Variants in PRRC2B observed in about 807,000 individuals in gnomAD.
PRRC2B encodes the protein protein PRRC2B.
PRRC2B carries 68 observed loss-of-function variants against 242.3 expected under a neutral mutation model. That is an observed-to-expected ratio of 0.28 (90% CI 0.23 to 0.34). The LOEUF is 0.34. Among genes scored for constraint, PRRC2B ranks in the 10% least tolerant of loss-of-function variants. The pLI, the probability that PRRC2B is intolerant of heterozygous loss-of-function variation, is 1.00. For missense variants in PRRC2B, 2,835 were observed against 2,954.8 expected (o/e 0.96, Z 0.94); for synonymous variants, 1,228 against 1,173.6 (o/e 1.05, Z -0.95).
intron 1 of PRRC2B, among the ~76,000 whole-genome samples, chr9:131,388,798 T>G (rs528353639): frequency 6.7e-6 from 1 of 149,460 alleles, no homozygotes; most frequent in South Asian, 2.1e-4. Context: ...CTCCTTGGAC[T>G]TCCAAAGTGC....
chr9:131,404,696 C>T (rs188112851), intron 1 of PRRC2B, among the ~76,000 whole-genome samples: 1 of 152,192 alleles, frequency 6.6e-6, no homozygotes. Flanking sequence ...TGCCCTTTCA[C>T]GTGATAAAAT....
chr9:131,412,342 A>T (rs200826152), intron 1 of PRRC2B, among the ~76,000 whole-genome samples: 1 of 151,922 alleles, frequency 6.6e-6, no homozygotes, highest in East Asian at 1.9e-4. Context: ...TTTCATCTGT[A>T]TAGTTGTGTA....
intron 1 of PRRC2B, among the ~76,000 whole-genome samples, chr9:131,380,880 T>C (rs1396078705): frequency 4.1e-5 from 1 of 24,274 alleles, no homozygotes; most frequent in Non-Finnish European, 1.2e-4. Flanking sequence ...TGTGAGATTC[T>C]GTCTCCAAAA....
intron 1 of PRRC2B, among the ~76,000 whole-genome samples, chr9:131,414,694 C>G (rs1174030180): frequency 6.6e-6 from 1 of 151,774 alleles, no homozygotes; most frequent in Non-Finnish European, 1.5e-5. Context: ...CTCAGCCTCC[C>G]AAGTAGCTGG....
chr9:131,444,065 G>C (rs1838703034), intron 5 of PRRC2B, 120 bp from the exon 6 acceptor site: 1 of 1,153,168 alleles, frequency 8.7e-7, no homozygotes, highest in Admixed American at 2.2e-5. Flanking sequence ...GCACCCTTGT[G>C]ACAAGACTCC....
Position 131,436,602 on chromosome 9 carries a change from T to C in PRRC2B, c.294-18T>C, listed in dbSNP as rs1838381607. 6.2e-7 allele frequency: 1 copy of C among 1,607,756 alleles called. No individual in the cohort carries two copies. On this transcript the variant is annotated intron_variant, in intron 3 of 31. Coordinates refer to ENST00000683519, the MANE Select transcript of PRRC2B (RefSeq NM_013318.4). ...CACTCTGTGCGGTGCCTGACCCCAC[T>C]GCCCTGCCTTTGTCTAGTTCCAGTG...
At chr9:131,418,481 C>T (rs1479216901) in intron 1 of PRRC2B, among the ~76,000 whole-genome samples, 1 of 152,172 alleles carries the variant, frequency 6.6e-6, no homozygotes. Flanking sequence ...CTGTGAGTCT[C>T]TGTGAGGACA....
intron 31 of PRRC2B, 123 bp from the exon 32 acceptor site, chr9:131,495,617 G>C: frequency 8.9e-7 from 1 of 1,126,600 alleles, no homozygotes; most frequent in Non-Finnish European, 1.3e-6. Context: ...TTCAACCAAG[G>C]GACTGACAAC....
intron 2 of PRRC2B, among the ~76,000 whole-genome samples, chr9:131,430,750 G>A (rs957863087): frequency 6.6e-6 from 1 of 151,602 alleles, no homozygotes; most frequent in Non-Finnish European, 1.5e-5. Context: ...GTGCCACCAC[G>A]CCCAGCTAAT....
intron 1 of PRRC2B, among the ~76,000 whole-genome samples, chr9:131,394,644 C>T (rs543067788): frequency 6.6e-6 from 1 of 151,384 alleles, no homozygotes; most frequent in South Asian, 2.1e-4. Flanking sequence ...GGCCCGCAGC[C>T]GGGTCTCGGG....
intron 22 of PRRC2B, 70 bp from the exon 23 acceptor site, chr9:131,483,289 A>G (rs1588279020): frequency 2.8e-6 from 4 of 1,405,092 alleles, no homozygotes; most frequent in Admixed American, 1.7e-5. Context: ...CATCACGTTA[A>G]TGTATGCCTC....
intron 5 of PRRC2B, among the ~76,000 whole-genome samples, chr9:131,439,582 A>C (rs1838488599): frequency 6.6e-6 from 1 of 152,060 alleles, no homozygotes; most frequent in South Asian, 2.1e-4. Context: ...GTATTAGAAA[A>C]CCAGCTGCAC....
chr9:131,384,572 C>T (rs1836804368), intron 1 of PRRC2B, among the ~76,000 whole-genome samples: 1 of 152,124 alleles, frequency 6.6e-6, no homozygotes, highest in Non-Finnish European at 1.5e-5. Context: ...GTGTGAGCCA[C>T]TGCGCCCGGC....
Position 131,483,280 on chromosome 9 carries a change from A to G in PRRC2B, c.5374-79A>G, listed in dbSNP as rs554438281. On this transcript the variant is annotated intron_variant, in intron 22 of 31. Transcript: ENST00000683519. The stretch of plus-strand genomic sequence containing the variant: ...GGAGTTTTTGAGTCGGGGAAACTGC[A>G]TCACGTTAATGTATGCCTCTGGGGA... 5.6e-4 allele frequency: 749 copies of G among 1,347,442 alleles called. 9 individuals are homozygous for G. The highest frequency in any genetic ancestry group is 3.2e-3 in the South Asian group (266 of 84,202). The allele number at this position is 1,347,442 out of a possible 1,614,324, so 83.5% of individuals were successfully genotyped here. A position where few individuals can be genotyped will look rare whatever the true frequency, so the allele number is the denominator to read the frequency against.
At chr9:131,454,819 A>G (rs1588261303) in intron 9 of PRRC2B, among the ~76,000 whole-genome samples, 1 of 152,114 alleles carries the variant, frequency 6.6e-6, no homozygotes, top group East Asian at 1.9e-4. Context: ...TATTTTTAGT[A>G]GAGACGGGGT....
intron 17 of PRRC2B, 120 bp from the exon 18 acceptor site, chr9:131,478,353 CG>C: frequency 1.0e-6 from 1 of 969,646 alleles, no homozygotes. Flanking sequence ...GAGAAAAGTG[CG>C]GAAGTCCTGT....
At chr9:131,488,588 C>T (rs550649818) in intron 28 of PRRC2B, among the ~76,000 whole-genome samples, 13 of 152,290 alleles carry the variant, frequency 8.5e-5, no homozygotes, top group African/African-American at 2.6e-4. Context: ...ATTCTTGAGA[C>T]CTGGCTGTCC....
rs550799338 is a variant in PRRC2B at position 131,455,446 on chromosome 9, G to A, written c.1211+280G>A. 2.0e-5 allele frequency among the ~76,000 whole-genome samples: 3 copies of A among 151,766 alleles called. No individual in the cohort carries two copies. In the South Asian group the frequency reaches 6.3e-4, roughly 32 times the overall value. The stretch of plus-strand genomic sequence containing the variant: ...ACCACGTCTTCATGGATTGCTTGTG[G>A]CTGTCGTGCCCAAAAAGGCTGCTGT... On this transcript the variant is annotated intron_variant, in intron 10 of 31. Transcript: ENST00000683519.
chr9:131,470,934 G>T lies in PRRC2B; in HGVS notation c.2058G>T (p.Thr686=). 1 of 1,609,778 alleles carries T rather than the reference G, an allele frequency of 6.2e-7. No homozygotes were observed. Among genetic ancestry groups the T allele is most frequent in the East Asian group, 2.2e-5 (1 of 44,622 alleles). The change falls in exon 14 of 32, where the codon ACG becomes ACT. Residue 686 remains threonine, a synonymous_variant. Transcript: ENST00000683519. ...CTTCCTACATGGACCCACGTATCAC[G>T]CCCACTCGGACCCCGGTGGACTTCT... The part of the protein sequence containing the change: ...MMPSYMDPRI[T]PTRTPVDFYP...
Sources: gnomAD v4.1 joint callset for allele counts (sites outside exome capture counted in the v4.1 genomes callset) on GRCh38, gnomAD v4.1.1 for gene constraint, MANE v1.5 for transcripts, NCBI Gene and HGNC (gene_info 2026-07-23, HGNC 2026-07-21) for gene names.